ARID2: variants seen among roughly 807,000 people sequenced by gnomAD.
The protein encoded by ARID2 is AT-rich interactive domain-containing protein 2.
ARID2 carries 32 observed loss-of-function variants against 184.6 expected under a neutral mutation model. That is an observed-to-expected ratio of 0.17 (90% CI 0.13 to 0.23). The LOEUF (loss-of-function observed/expected upper bound fraction) is 0.23, where lower values mean the gene tolerates loss of function less well. Among genes scored for constraint, ARID2 ranks in the 10% least tolerant of loss-of-function variants. ARID2 has a pLI of 1.00. For missense variants in ARID2, 1,696 were observed against 2,197.6 expected (o/e 0.77, Z 4.56); for synonymous variants, 836 against 772.6 (o/e 1.08, Z -1.36).
At position 45,851,591 on chromosome 12, in the gene ARID2, C is replaced by T. The variant is rs140614134; in HGVS notation, c.3468C>T (p.Ile1156=). Residue 1156 remains isoleucine, a synonymous_variant, in exon 15 of 21, where the codon ATC becomes ATT. Coordinates refer to ENST00000334344, the MANE Select transcript of ARID2 (RefSeq NM_152641.4). ...TACAAATATTGCCAGGTCCACTGAT[C>T]TCAAATAGCCCAGCAACCATTTTCC... ...SNLQILPGPL[I]SNSPATIFQG... 1.1e-5 allele frequency: 17 copies of T among 1,614,054 alleles called. No homozygotes were observed. Among genetic ancestry groups the T allele is most frequent in the Non-Finnish European group, 1.4e-5 (17 of 1,180,014 alleles).
At chr12:45,767,933 C>A (rs1941802728) in intron 3 of ARID2, among the ~76,000 whole-genome samples, 1 of 152,168 alleles carries the variant, frequency 6.6e-6, no homozygotes, top group African/African-American at 2.4e-5. Context: ...TCTGTAGACC[C>A]ACTTTCCGGT....
intron 5 of ARID2, among the ~76,000 whole-genome samples, 167 bp from the exon 6 acceptor site, chr12:45,821,253 T>C (rs1399107597): frequency 6.6e-6 from 1 of 152,180 alleles, no homozygotes; most frequent in African/African-American, 2.4e-5. Flanking sequence ...AAAAACAATG[T>C]ATTTCAAAAG....
At chr12:45,770,626 G>T (rs1445562382) in intron 3 of ARID2, among the ~76,000 whole-genome samples, 2 of 152,204 alleles carry the variant, frequency 1.3e-5, no homozygotes. Flanking sequence ...CCAAAGAGAG[G>T]ACACGGAAGT....
intron 3 of ARID2, among the ~76,000 whole-genome samples, chr12:45,772,734 C>T (rs1317638667): frequency 6.6e-6 from 1 of 152,090 alleles, no homozygotes; most frequent in Admixed American, 6.5e-5. Context: ...CTGCATCTAA[C>T]AACAAAGCTC....
chr12:45,900,857 G>T (rs1426374479), intron 20 of ARID2, among the ~76,000 whole-genome samples: 2 of 152,096 alleles, frequency 1.3e-5, no homozygotes, highest in Non-Finnish European at 2.9e-5. Context: ...CTTTGCTGTT[G>T]AGAAGACTAG....
intron 16 of ARID2, among the ~76,000 whole-genome samples, chr12:45,887,149 TAAA>T (rs1944205066): frequency 6.6e-6 from 1 of 152,154 alleles, no homozygotes; most frequent in Admixed American, 6.5e-5. Context: ...GAAGGGGAAT[TAAA>T]TGAAGAATAG....
rs771561861 is a variant in ARID2, at chr12:45,851,972, A to G, written c.3849A>G (p.Thr1283=). 1.2e-5 allele frequency: 19 copies of G among 1,613,846 alleles called. No individual in the cohort carries two copies. The South Asian group carries it at 1.9e-4, about 16-fold the overall frequency. The change falls in exon 15 of 21, where the codon ACA becomes ACG. Residue 1283 remains threonine (T), a synonymous_variant. Coordinates refer to ENST00000334344, the MANE Select transcript of ARID2 (RefSeq NM_152641.4). ...RGATNTSNGD[T]KENEMHVGSL... is the part of the protein sequence containing the mutation. ...CCACAAACACCAGCAATGGGGATAC[A>G]AAGGAAAATGAAATGCATGTGGGAA...
chr12:45,851,741 G>A lies in ARID2; in HGVS notation c.3618G>A (p.Thr1206=), dbSNP rs539191030. The A allele has an allele frequency of 2.0e-5, 33 of 1,613,994 alleles. No individual in the cohort carries two copies. The highest frequency in any genetic ancestry group is 8.0e-5 in the African/African-American group (6 of 74,916). ...CAGCAGGAATTACCATGAGCGGAAC[G>A]CAGACAGGAGTTGGACTTCCAGTAC... ...IAPAGITMSG[T]QTGVGLPVQT... The change falls in exon 15 of 21, where the codon ACG becomes ACA. Residue 1206 remains threonine, a synonymous_variant. Coordinates refer to ENST00000334344, the MANE Select transcript of ARID2 (RefSeq NM_152641.4).
In ARID2 at chr12:45,851,583, C is replaced by T. The variant is rs746181283; in HGVS notation, c.3460C>T (p.Pro1154Ser). The change falls in exon 15 of 21, where the codon CCA becomes TCA. Residue 1154 changes from proline to serine, a missense_variant. This residue lies in a region of ARID2 where 713 missense variants were observed against 824.4 expected (regional missense o/e 0.86). Coordinates refer to ENST00000334344, the MANE Select transcript of ARID2 (RefSeq NM_152641.4). ...PISNLQILPG[P>S]LISNSPATIF... ...TTCGAACTTACAAATATTGCCAGGT[C>T]CACTGATCTCAAATAGCCCAGCAAC... is the stretch of plus-strand genomic sequence containing the variant. 1 of 1,614,134 alleles carries T rather than the reference C, an allele frequency of 6.2e-7. No homozygotes were observed.
intron 3 of ARID2, among the ~76,000 whole-genome samples, chr12:45,749,222 T>C (rs1297239211): frequency 6.6e-6 from 1 of 152,232 alleles, no homozygotes. Flanking sequence ...GTCAGCAGCA[T>C]GAAAACAACA....
In ARID2 at chr12:45,904,495, G is replaced by A. The variant is rs554095103; in HGVS notation, c.5364-439G>A. 7.1e-4 allele frequency: 358 copies of A among 505,378 alleles called. 2 individuals are homozygous for A. The South Asian group carries it at 7.5e-3, about 11-fold the overall frequency. 31.3% of individuals were successfully genotyped at this position (505,378 alleles called of 1,614,324 possible). A position where few individuals can be genotyped will look rare whatever the true frequency, so the allele number is the denominator to read the frequency against. ...ATCACAAGGTCAAGAGATCGAGACCGTCCTGGCCAACATGGTGAAACCCCG... is the reference window on the plus strand; with the variant it reads ...ATCACAAGGTCAAGAGATCGAGACCATCCTGGCCAACATGGTGAAACCCCG... On this transcript the variant is annotated intron_variant, in intron 20 of 20. Transcript: ENST00000334344.
intron 20 of ARID2, among the ~76,000 whole-genome samples, chr12:45,894,649 T>C (rs543169344): frequency 3.7e-4 from 56 of 152,270 alleles, no homozygotes; most frequent in Non-Finnish European, 6.0e-4. Flanking sequence ...TTGAAAAGTA[T>C]TTGCAATGAC....
intron 11 of ARID2, chr12:45,842,230 A>G (rs1254879425): frequency 6.9e-6 from 1 of 143,902 alleles, no homozygotes; most frequent in African/African-American, 2.8e-5. Context: ...AACCTGGTCT[A>G]TCTCAAAAAA....
intron 15 of ARID2, among the ~76,000 whole-genome samples, chr12:45,856,149 A>C (rs1232521198): frequency 6.1e-5 from 8 of 130,758 alleles, no homozygotes; most frequent in African/African-American, 2.3e-4. Flanking sequence ...ATGTCAGCTC[A>C]CTGCAACCTC....
intron 16 of ARID2, among the ~76,000 whole-genome samples, chr12:45,868,990 A>G (rs1011856924): frequency 1.1e-4 from 16 of 151,224 alleles, no homozygotes; most frequent in Non-Finnish European, 2.1e-4. Flanking sequence ...GATTGCCAAG[A>G]AAGGCATGTT....
intron 16 of ARID2, among the ~76,000 whole-genome samples, chr12:45,862,410 T>A (rs772563140): frequency 2.0e-5 from 3 of 152,238 alleles, no homozygotes; most frequent in Non-Finnish European, 4.4e-5. Flanking sequence ...TTAAGGTGTA[T>A]GTTTGTAAGT....
chr12:45,881,622 A>T (rs1944105585), intron 16 of ARID2: 2 of 159,818 alleles, frequency 1.3e-5, no homozygotes, highest in African/African-American at 4.8e-5. Flanking sequence ...GGTGTGGCCT[A>T]GGAGGTTGTC....
chr12:45,796,674 C>T (rs939367175), intron 3 of ARID2, among the ~76,000 whole-genome samples: 1 of 152,122 alleles, frequency 6.6e-6, no homozygotes, highest in Non-Finnish European at 1.5e-5. Flanking sequence ...CCACCATGCC[C>T]AGCTAATTTT....
intron 4 of ARID2, among the ~76,000 whole-genome samples, chr12:45,815,709 T>C (rs150259212): frequency 6.6e-6 from 1 of 152,174 alleles, no homozygotes; most frequent in Non-Finnish European, 1.5e-5. Flanking sequence ...TCGCTCAGGC[T>C]GGAGTGCAGT....
Sources: gnomAD v4.1 joint callset for allele counts (sites outside exome capture counted in the v4.1 genomes callset) on GRCh38, gnomAD v4.1.1 for gene constraint, gnomAD v4.1.1 regional missense constraint, MANE v1.5 for transcripts, NCBI Gene and HGNC (gene_info 2026-07-23, HGNC 2026-07-21) for gene names.